BCR: variants seen among roughly 807,000 people sequenced by gnomAD.
BCR encodes the protein breakpoint cluster region protein.
A neutral mutation model predicts 138.6 loss-of-function variants in BCR; 58 were observed. The ratio of observed to expected loss-of-function variants is 0.42; its 90% CI spans 0.34 to 0.52. BCR has a LOEUF of 0.52. BCR is among the 20% of genes least tolerant of loss of function. The probability of loss-of-function intolerance (pLI) is 0.06; values close to 1 mark genes in which losing one functional copy is unlikely to be tolerated. For synonymous variants in BCR, 786 were observed against 730.1 expected (o/e 1.08, Z -1.23); for missense variants, 1,599 against 1,727.2 (o/e 0.93, Z 1.32).
At chr22:23,219,200 TG>T (rs752629746) in intron 1 of BCR, among the ~76,000 whole-genome samples, 42 of 152,074 alleles carry the variant, frequency 2.8e-4, no homozygotes, top group Non-Finnish European at 3.5e-4. Context: ...ATGGCCCTGG[TG>T]GGGTGTGTCT....
At chr22:23,209,455 G>A (rs1212880393) in intron 1 of BCR, among the ~76,000 whole-genome samples, 1 of 152,160 alleles carries the variant, frequency 6.6e-6, no homozygotes. Flanking sequence ...AGACACTTGG[G>A]TTGCCTCCAC....
At chr22:23,313,559 C>T (rs577918624) in intron 20 of BCR, among the ~76,000 whole-genome samples, 1 of 152,224 alleles carries the variant, frequency 6.6e-6, no homozygotes, top group Non-Finnish European at 1.5e-5. Context: ...GGGGTCTCTG[C>T]GTACTTGGTG....
Position 23,214,859 on chromosome 22 carries a change from C to G in BCR, c.1279+32620C>G, listed in dbSNP as rs9620230. On this transcript the variant is annotated intron_variant, in intron 1 of 22. Transcript: ENST00000305877. ...ATTTACCACTTCAGCCATTTTTAAGCATACGATCGATGCATGACATTAACT... is the reference window on the plus strand; with the variant it reads ...ATTTACCACTTCAGCCATTTTTAAGGATACGATCGATGCATGACATTAACT... Among the ~76,000 whole-genome samples the G allele has an allele frequency of 1.8e-3, 272 of 152,334 alleles. 1 individual carries two copies. Among genetic ancestry groups the G allele is most frequent in the African/African-American group, 6.3e-3 (260 of 41,576 alleles).
intron 2 of BCR, chr22:23,254,665 C>T (rs2073272795): frequency 7.9e-6 from 4 of 507,752 alleles, no homozygotes; most frequent in South Asian, 5.7e-5. Context: ...TCTTGCTGGT[C>T]CCACAGCTCA....
chr22:23,199,172 A>G, intron 1 of BCR: 1 of 404,586 alleles, frequency 2.5e-6, no homozygotes, highest in South Asian at 1.8e-5. Flanking sequence ...TGTGATTATT[A>G]ACATAAGTCT....
At chr22:23,315,274 A>G (rs1412384615) in intron 22 of BCR, among the ~76,000 whole-genome samples, 159 bp from the exon 23 acceptor site, 2 of 149,052 alleles carry the variant, frequency 1.3e-5, no homozygotes, top group East Asian at 4.0e-4. Context: ...CCTTGTCAGG[A>G]CCCCACCCCA....
Position 23,268,452 on chromosome 22 carries a change from A to C in BCR, c.1797A>C (p.Gly599=), listed in dbSNP as rs2073470809. ...ACCGGGCCTTCGTGGACAACTACGG[A>C]GTTGCCATGGAAATGGCTGAGAAGT... ...GVYRAFVDNY[G]VAMEMAEKCC... is the part of the protein sequence containing the mutation. Residue 599 remains glycine (G), a synonymous_variant, in exon 5 of 23, where the codon GGA becomes GGC. Transcript: ENST00000305877. 1.2e-6 allele frequency: 2 copies of C among 1,613,774 alleles called. No homozygotes were observed. Among genetic ancestry groups the C allele is most frequent in the African/African-American group, 2.7e-5 (2 of 74,922 alleles).
intron 6 of BCR, among the ~76,000 whole-genome samples, chr22:23,272,720 G>C (rs780764626): frequency 7.9e-5 from 12 of 152,138 alleles, no homozygotes; most frequent in Non-Finnish European, 1.6e-4. Flanking sequence ...CTTACCCTCT[G>C]GGCTGGGGAG....
At chr22:23,246,010 T>C (rs1170125664) in intron 1 of BCR, among the ~76,000 whole-genome samples, 2 of 152,182 alleles carry the variant, frequency 1.3e-5, no homozygotes, top group Non-Finnish European at 2.9e-5. Context: ...GTTTACGTAT[T>C]GTGGGGATTT....
At chr22:23,182,389 G>A (rs2146190727) in intron 1 of BCR, 150 bp downstream of exon 1, 1 of 933,430 alleles carries the variant, frequency 1.1e-6, no homozygotes, top group East Asian at 2.7e-5. Flanking sequence ...TCCTGCACCC[G>A]AACAAACTCC....
chr22:23,235,856 G>A (rs1231206270), intron 1 of BCR, among the ~76,000 whole-genome samples: 1 of 152,114 alleles, frequency 6.6e-6, no homozygotes, highest in Non-Finnish European at 1.5e-5. Flanking sequence ...CTGTCTCTGG[G>A]GTTTCAAAAG....
Position 23,253,890 on chromosome 22 carries a change from T to C in BCR, c.1371T>C (p.Asp457=). The change falls in exon 2 of 23, where the codon GAT becomes GAC. Residue 457 remains aspartate, a synonymous_variant. Transcript: ENST00000305877. ...ACCAAGATGGGCTGCCCTACATTGA[T>C]GACTCGCCCTCCTCATCGCCCCACC... The part of the protein sequence containing the change: ...RRHQDGLPYI[D]DSPSSSPHLS... 6.2e-7 allele frequency: 1 copy of C among 1,613,126 alleles called. No individual in the cohort carries two copies. Among genetic ancestry groups the C allele is most frequent in the Non-Finnish European group, 8.5e-7 (1 of 1,179,972 alleles).
rs764265612 is a variant in BCR, at chr22:23,285,063, C to T, written c.2268C>T (p.Tyr756=). The change falls in exon 10 of 23, where the codon TAC becomes TAT. Residue 756 remains tyrosine (Y), a synonymous_variant. Transcript: ENST00000305877. ...GKTQQYDCKW[Y]IPLTDLSFQM... The stretch of plus-strand genomic sequence containing the variant: ...CGCAGCAGTATGACTGCAAATGGTA[C>T]ATTCCGCTCACGGATCTCAGCTTCC... The T allele has an allele frequency of 1.9e-6, 3 of 1,613,970 alleles. No homozygotes were observed. The highest frequency in any genetic ancestry group is 2.5e-6 in the Non-Finnish European group (3 of 1,180,014).
At chr22:23,244,535 C>T (rs970353942) in intron 1 of BCR, among the ~76,000 whole-genome samples, 3 of 152,142 alleles carry the variant, frequency 2.0e-5, no homozygotes, top group African/African-American at 4.8e-5. Flanking sequence ...GCATGTGCTC[C>T]GGTGCCACCT....
chr22:23,263,540 C>G (rs1192548507), intron 4 of BCR: 52 of 1,575,380 alleles, frequency 3.3e-5, no homozygotes, highest in Non-Finnish European at 4.4e-5. Flanking sequence ...TCATCCTGGC[C>G]TACCAGTTCC....
chr22:23,183,945 G>A (rs1047621321), intron 1 of BCR, among the ~76,000 whole-genome samples: 5 of 151,544 alleles, frequency 3.3e-5, no homozygotes, highest in African/African-American at 1.2e-4. Context: ...GAGTCAGACA[G>A]GGCAGGTCCT....
At chr22:23,226,784 C>G (rs1383294254) in intron 1 of BCR, among the ~76,000 whole-genome samples, 1 of 152,114 alleles carries the variant, frequency 6.6e-6, no homozygotes, top group Non-Finnish European at 1.5e-5. Context: ...AAAGTTTGAC[C>G]CCTGCTTTAG....
chr22:23,197,390 TAATAA>T (rs971548118), intron 1 of BCR, among the ~76,000 whole-genome samples: 3 of 152,280 alleles, frequency 2.0e-5, no homozygotes, highest in African/African-American at 7.2e-5. Context: ...TGGCTTTATC[TAATAA>T]AATATAAATG....
chr22:23,220,121 C>T (rs1020027210), intron 1 of BCR, among the ~76,000 whole-genome samples: 7 of 152,226 alleles, frequency 4.6e-5, no homozygotes, highest in South Asian at 4.1e-4. Context: ...AGCTCCATGT[C>T]TAGCAGAGCA....
Sources: gnomAD v4.1 joint callset for allele counts (sites outside exome capture counted in the v4.1 genomes callset) on GRCh38, gnomAD v4.1.1 for gene constraint, MANE v1.5 for transcripts, NCBI Gene and HGNC (gene_info 2026-07-23, HGNC 2026-07-21) for gene names.